LRRC8B: variants seen among roughly 807,000 people sequenced by gnomAD.
LRRC8B encodes the protein volume-regulated anion channel subunit LRRC8B.
Under a neutral mutation model 58.8 loss-of-function variants are expected in LRRC8B, and 23 were observed. The ratio of observed to expected loss-of-function variants is 0.39; its 90% CI spans 0.28 to 0.55. The LOEUF (loss-of-function observed/expected upper bound fraction) is 0.55. LRRC8B is among the 20% of genes least tolerant of loss of function. The probability of loss-of-function intolerance (pLI) is 0.62; values close to 1 mark genes in which losing one functional copy is unlikely to be tolerated. For missense variants in LRRC8B, 694 were observed against 936.0 expected, an observed-to-expected ratio of 0.74 and a Z score of 3.37; for synonymous variants, 359 against 374.1, an observed-to-expected ratio of 0.96 and a Z score of 0.47.
At chr1:89,563,675 G>A (rs1652845241) in intron 1 of LRRC8B, among the ~76,000 whole-genome samples, 3 of 152,070 alleles carry the variant, frequency 2.0e-5, no homozygotes, top group Admixed American at 2.0e-4. Context: ...TTTAGATAAA[G>A]TTACTACTAT....
At chr1:89,571,831 A>G (rs1653495434) in intron 3 of LRRC8B, among the ~76,000 whole-genome samples, 1 of 151,600 alleles carries the variant, frequency 6.6e-6, no homozygotes, top group South Asian at 2.1e-4. Context: ...TATGTGATCA[A>G]TTTTAGAGTT....
In LRRC8B at chr1:89,551,963, A is replaced by G. The variant is rs138393537; in HGVS notation, c.-240-16284A>G. Among the ~76,000 whole-genome samples, 485 of 152,316 alleles carry G rather than the reference A, an allele frequency of 3.2e-3. 2 individuals are homozygous for G. The highest frequency in any genetic ancestry group is 5.6e-3 in the Non-Finnish European group (380 of 68,028). On this transcript the variant is annotated intron_variant, in intron 1 of 5. Transcript: ENST00000330947. ...TTATATACATGCATGTACCGTGCTA[A>G]TAGATTTGTCTGTCACTGCTTATTT...
At chr1:89,575,236 C>A (rs188149084) in intron 3 of LRRC8B, among the ~76,000 whole-genome samples, 4 of 152,186 alleles carry the variant, frequency 2.6e-5, no homozygotes, top group Admixed American at 1.3e-4. Flanking sequence ...TCTGGACTGG[C>A]CTTGTGACTC....
intron 1 of LRRC8B, among the ~76,000 whole-genome samples, chr1:89,544,365 T>C: frequency 6.6e-6 from 1 of 152,216 alleles, no homozygotes; most frequent in East Asian, 1.9e-4. Flanking sequence ...TTATTGTCAG[T>C]GTGCTGGGAA....
intron 1 of LRRC8B, among the ~76,000 whole-genome samples, chr1:89,540,768 A>G (rs1650904424): frequency 1.3e-5 from 2 of 152,218 alleles, no homozygotes; most frequent in African/African-American, 4.8e-5. Context: ...AAGATGAGAG[A>G]GATCATATTG....
chr1:89,591,549 T>C (rs1654976658), intron 5 of LRRC8B, among the ~76,000 whole-genome samples: 1 of 152,238 alleles, frequency 6.6e-6, no homozygotes. Flanking sequence ...AATCATTAGA[T>C]TTATTTTTAA....
chr1:89,571,332 A>G (rs1364159338), intron 3 of LRRC8B, among the ~76,000 whole-genome samples: 5 of 152,210 alleles, frequency 3.3e-5, no homozygotes, highest in South Asian at 2.1e-4. Flanking sequence ...AATGATACAG[A>G]TTCTTCTTAT....
At chr1:89,578,177 C>T (rs1653983690) in intron 3 of LRRC8B, among the ~76,000 whole-genome samples, 1 of 152,014 alleles carries the variant, frequency 6.6e-6, no homozygotes, top group Non-Finnish European at 1.5e-5. Context: ...GGTAGAAAAA[C>T]AGATGTTAAA....
chr1:89,536,926 A>C (rs1441446918), intron 1 of LRRC8B, among the ~76,000 whole-genome samples: 1 of 152,192 alleles, frequency 6.6e-6, no homozygotes, highest in Non-Finnish European at 1.5e-5. Context: ...CAGAATACAC[A>C]CATACTCATG....
At chr1:89,532,778 A>T (rs941021297) in intron 1 of LRRC8B, among the ~76,000 whole-genome samples, 2 of 152,330 alleles carry the variant, frequency 1.3e-5, no homozygotes, top group Non-Finnish European at 2.9e-5. Context: ...GGGGATAATA[A>T]TGTCCATGCC....
chr1:89,559,625 T>TACAC (rs1259671556), intron 1 of LRRC8B, among the ~76,000 whole-genome samples: 1 of 131,836 alleles, frequency 7.6e-6, no homozygotes, highest in Non-Finnish European at 1.7e-5. Flanking sequence ...AATATATATA[T>TACAC]ATATACACAC....
At chr1:89,569,162 G>A (rs1359114149) in intron 3 of LRRC8B, among the ~76,000 whole-genome samples, 1 of 151,946 alleles carries the variant, frequency 6.6e-6, no homozygotes, top group African/African-American at 2.4e-5. Context: ...TAGTCTAGGT[G>A]AATCAGTGGT....
intron 5 of LRRC8B, among the ~76,000 whole-genome samples, chr1:89,592,168 GA>G (rs1655019263): frequency 6.6e-6 from 1 of 152,102 alleles, no homozygotes; most frequent in Admixed American, 6.5e-5. Context: ...TTATTTAGTT[GA>G]AACCATGCCA....
At chr1:89,567,753 T>C (rs1653147130) in intron 1 of LRRC8B, among the ~76,000 whole-genome samples, 1 of 151,980 alleles carries the variant, frequency 6.6e-6, no homozygotes, top group African/African-American at 2.4e-5. Context: ...AAAAAACATA[T>C]GAAGAGTACT....
At chr1:89,535,046 T>C (rs1650429425) in intron 1 of LRRC8B, among the ~76,000 whole-genome samples, 1 of 152,062 alleles carries the variant, frequency 6.6e-6, no homozygotes, top group African/African-American at 2.4e-5. Flanking sequence ...AAATAAGATG[T>C]TTGCCTTTCT....
intron 1 of LRRC8B, among the ~76,000 whole-genome samples, chr1:89,546,906 G>A (rs1031812322): frequency 2.0e-5 from 3 of 152,192 alleles, no homozygotes; most frequent in Non-Finnish European, 2.9e-5. Context: ...TGATTCTAGA[G>A]CTGACACACA....
chr1:89,525,296 T>A (rs565901174), intron 1 of LRRC8B, among the ~76,000 whole-genome samples: 1 of 151,994 alleles, frequency 6.6e-6, no homozygotes. Context: ...GCAAGAGGTG[T>A]GGGCGGTCGC....
chr1:89,589,314 G>A, intron 5 of LRRC8B, among the ~76,000 whole-genome samples: 1 of 152,232 alleles, frequency 6.6e-6, no homozygotes, highest in Middle Eastern at 3.4e-3. Context: ...TTCTTCTACT[G>A]TGTCTCCTAT....
chr1:89,573,984 A>G (rs1387300054), intron 3 of LRRC8B, among the ~76,000 whole-genome samples: 1 of 152,236 alleles, frequency 6.6e-6, no homozygotes, highest in Non-Finnish European at 1.5e-5. Flanking sequence ...GTAATTTCCA[A>G]GGCTGGGCCT....
Sources: gnomAD v4.1 joint callset for allele counts (sites outside exome capture counted in the v4.1 genomes callset) on GRCh38, gnomAD v4.1.1 for gene constraint, MANE v1.5 for transcripts, NCBI Gene and HGNC (gene_info 2026-07-23, HGNC 2026-07-21) for gene names.